MORF4L2: variants seen among roughly 807,000 people sequenced by gnomAD.
The protein encoded by MORF4L2 is mortality factor 4 like 2, also known as mortality factor 4-like protein 2.
In MORF4L2, 1 loss-of-function variant was observed where a neutral mutation model predicts 12.0. That is an observed-to-expected ratio of 0.08 (90% confidence interval 0.03 to 0.40). MORF4L2 has a LOEUF of 0.40. MORF4L2 is among the 10% of genes least tolerant of loss of function. The probability of loss-of-function intolerance (pLI) is 0.98; values close to 1 mark genes in which losing one functional copy is unlikely to be tolerated. For missense variants in MORF4L2, 123 were observed against 214.0 expected (o/e 0.57, Z 2.65); for synonymous variants, 69 against 81.6 (o/e 0.85, Z 0.83).
chrX:103,677,743 AG>A (rs1209771622), intron 3 of MORF4L2, among the ~76,000 whole-genome samples: 1 of 112,357 alleles, frequency 8.9e-6, no homozygotes, highest in African/African-American at 3.2e-5. Flanking sequence ...GTACTATGGT[AG>A]TTGCTAGAGA....
intron 2 of MORF4L2, among the ~76,000 whole-genome samples, chrX:103,679,391 C>T (rs1306931426): frequency 1.0e-4 from 11 of 105,627 alleles, no homozygotes; most frequent in Non-Finnish European, 1.6e-4. Context: ...TGGTGGTGCA[C>T]GCCTGTAGTC....
In MORF4L2 at chrX:103,677,055, T is replaced by C. The variant is rs1020198883; in HGVS notation, c.-24-4A>G. ...AACCCTGTTTTTATTCCAACCACTGTAATATATAAAATATTTTACTTGGTT... is the reference window on the plus strand; with the variant it reads ...AACCCTGTTTTTATTCCAACCACTGCAATATATAAAATATTTTACTTGGTT... On this transcript the variant is annotated splice_region_variant and splice_polypyrimidine_tract_variant and intron_variant, in intron 3 of 3. Coordinates refer to ENST00000441076, the MANE Select transcript of MORF4L2 (RefSeq NM_012286.3). The C allele has an allele frequency of 3.2e-5, 36 of 1,125,607 alleles. No homozygotes were observed. The highest frequency in any genetic ancestry group is 4.1e-5 in the Non-Finnish European group (35 of 854,664). The allele number at this position is 1,125,607 out of a possible 1,213,427, so 92.8% of individuals were successfully genotyped here. A position where few individuals can be genotyped will look rare whatever the true frequency, so the allele number is the denominator to read the frequency against.
At position 103,676,091 on chromosome X, in the gene MORF4L2, A is replaced by C. The variant is rs2073840890; in HGVS notation, c.*70T>G. 65 of 1,028,698 alleles carry C rather than the reference A, an allele frequency of 6.3e-5. No homozygotes were observed. The highest frequency in any genetic ancestry group is 8.5e-5 in the Non-Finnish European group (65 of 765,938). The allele number at this position is 1,028,698 out of a possible 1,213,427, so 84.8% of individuals were successfully genotyped here. A position where few individuals can be genotyped will look rare whatever the true frequency, so the allele number is the denominator to read the frequency against. ...AACGATTTTAAAGAACATCAATTTTACAAGAAAAAGACTAAGAACAAAAAG... is the reference window on the plus strand; with the variant it reads ...AACGATTTTAAAGAACATCAATTTTCCAAGAAAAAGACTAAGAACAAAAAG... On this transcript the variant is annotated 3_prime_UTR_variant, in exon 4 of 4. Transcript: ENST00000441076.
At position 103,676,997 on chromosome X, in the gene MORF4L2, G is replaced by A. The variant is rs2073863023; in HGVS notation, c.31C>T (p.Arg11Cys). The A allele has an allele frequency of 1.7e-6, 2 of 1,201,894 alleles. No individual in the cohort carries two copies. Among genetic ancestry groups the A allele is most frequent in the African/African-American group, 1.8e-5 (1 of 55,739 alleles). Residue 11 changes from arginine to cysteine, a missense_variant, in exon 4 of 4, where the codon CGT becomes TGT. Physicochemically the swap from Arg to Cys is radical, Grantham distance 180. Coordinates refer to ENST00000441076, the MANE Select transcript of MORF4L2 (RefSeq NM_012286.3). MSSRKQGSQPRGQQSAEEENF... is the reference protein window; with the variant it reads MSSRKQGSQPCGQQSAEEENF... Reference sequence around the variant, plus strand: ...TCTTCTTCTGCAGATTGCTGTCCACGAGGTTGAGAACCCTGCTTTCTGGAA... The same window carrying A: ...TCTTCTTCTGCAGATTGCTGTCCACAAGGTTGAGAACCCTGCTTTCTGGAA...
intron 1 of MORF4L2, chrX:103,685,551 C>T (rs983403490): frequency 9.0e-6 from 1 of 111,528 alleles, no homozygotes; most frequent in African/African-American, 3.3e-5. Flanking sequence ...CATCATCCAG[C>T]TTTCAACAAT....
chrX:103,683,493 T>A (rs1461482584), intron 2 of MORF4L2, among the ~76,000 whole-genome samples: 2 of 112,634 alleles, frequency 1.8e-5, no homozygotes, highest in African/African-American at 6.5e-5. Flanking sequence ...ATAACACTTG[T>A]AAATGGATGG....
In MORF4L2 at chrX:103,676,017, T is replaced by C; in HGVS notation, c.*144A>G. 1.5e-6 allele frequency: 1 copy of C among 659,775 alleles called. No individual in the cohort carries two copies. Among genetic ancestry groups the C allele is most frequent in the South Asian group, 3.5e-5 (1 of 28,458 alleles). The allele number at this position is 659,775 out of a possible 1,213,427, so 54.4% of individuals were successfully genotyped here. A position where few individuals can be genotyped will look rare whatever the true frequency, so the allele number is the denominator to read the frequency against. ...GAGCTTACACTCCTTTTATTTTCTG[T>C]TTAAAACAGAACGGAAAACAAACTG... On this transcript the variant is annotated 3_prime_UTR_variant, in exon 4 of 4. Coordinates refer to ENST00000441076, the MANE Select transcript of MORF4L2 (RefSeq NM_012286.3).
chrX:103,684,300 C>A (rs2074051114), intron 2 of MORF4L2, among the ~76,000 whole-genome samples: 1 of 109,899 alleles, frequency 9.1e-6, no homozygotes. Context: ...AAGTCTGAGA[C>A]AAAGGAGGAA....
At chrX:103,678,105 A>G (rs2073889506) in intron 3 of MORF4L2, among the ~76,000 whole-genome samples, 1 of 109,990 alleles carries the variant, frequency 9.1e-6, no homozygotes, top group Admixed American at 9.8e-5. Flanking sequence ...CCACAACCCA[A>G]AACAAAAAAA....
At chrX:103,687,251 C>T (rs905174237), upstream of MORF4L2, 3 of 111,178 alleles carry the variant, frequency 2.7e-5, no homozygotes, top group Non-Finnish European at 5.7e-5. Flanking sequence ...GAGGTCAAAT[C>T]TGGGGCCACG....
chrX:103,687,266 C>T (rs1055688807), upstream of MORF4L2: 1 of 111,447 alleles, frequency 9.0e-6, no homozygotes, highest in Non-Finnish European at 1.9e-5. Flanking sequence ...GCCACGCCCC[C>T]AGTCCTGTGG....
chrX:103,683,142 G>A (rs141874633), intron 2 of MORF4L2, among the ~76,000 whole-genome samples: 3,016 of 109,748 alleles, frequency 0.027, 52 homozygotes, highest in African/African-American at 0.052. Context: ...GCAGTGGCGC[G>A]ATCTTGGCTC....
intron 2 of MORF4L2, among the ~76,000 whole-genome samples, chrX:103,681,014 T>C (rs1238575994): frequency 8.9e-6 from 1 of 112,025 alleles, no homozygotes; most frequent in African/African-American, 3.2e-5. Context: ...AACCAGACTG[T>C]GTAAAACACA....
Position 103,680,117 on chromosome X carries a change from T to C in MORF4L2, c.-177-1466A>G, listed in dbSNP as rs146043930. Among the ~76,000 whole-genome samples, 136 of 111,575 alleles carry C rather than the reference T, an allele frequency of 1.2e-3. 4 individuals carry two copies. In the East Asian group the frequency reaches 0.031, roughly 26 times the overall value. On this transcript the variant is annotated intron_variant, in intron 2 of 3. Coordinates refer to ENST00000441076, the MANE Select transcript of MORF4L2 (RefSeq NM_012286.3). ...AGGAGAATCACTTGAACCTGGGAGA[T>C]GGAGGTTGCAGTGAGCCAGGAGATC...
At chrX:103,677,452 G>T (rs889463657) in intron 3 of MORF4L2, among the ~76,000 whole-genome samples, 2 of 112,481 alleles carry the variant, frequency 1.8e-5, no homozygotes, top group African/African-American at 6.5e-5. Context: ...AGGGCAAAAT[G>T]AGTAACAGTA....
At chrX:103,679,860 C>CAAAAA (rs1157909391) in intron 2 of MORF4L2, among the ~76,000 whole-genome samples, 233 of 47,411 alleles carry the variant, frequency 4.9e-3, no homozygotes, top group Non-Finnish European at 6.2e-3. Context: ...CACCTGTGGG[C>CAAAAA]AAAAAAAAAA....
chrX:103,678,108 CAA>C (rs1169975794), intron 3 of MORF4L2, among the ~76,000 whole-genome samples: 1 of 75,037 alleles, frequency 1.3e-5, no homozygotes, highest in African/African-American at 4.7e-5. Context: ...CAACCCAAAA[CAA>C]AAAAAAAAAA....
At chrX:103,687,309 A>G (rs1222377908), upstream of MORF4L2, 2 of 112,042 alleles carry the variant, frequency 1.8e-5, no homozygotes, top group African/African-American at 3.3e-5. Context: ...AAAAAGGCGC[A>G]GTGGGGGTTC....
At chrX:103,687,258 C>T (rs772162523), upstream of MORF4L2, 7 of 111,140 alleles carry the variant, frequency 6.3e-5, no homozygotes, top group Non-Finnish European at 1.3e-4. Context: ...AATCTGGGGC[C>T]ACGCCCCCAG....
Sources: allele counts gnomAD v4.1 joint callset (sites outside exome capture counted in the v4.1 genomes callset), GRCh38; gene constraint gnomAD v4.1.1; transcripts MANE v1.5; gene names NCBI Gene and HGNC (gene_info 2026-07-23, HGNC 2026-07-21).